The following FTH1 variants were observed in gnomAD, a reference collection of about 807,000 sequenced individuals.
FTH1 encodes the protein ferritin heavy chain 1.
FTH1 carries 3 observed loss-of-function variants against 21.8 expected under a neutral mutation model. The observed-to-expected ratio is 0.14, with a 90% CI of 0.06 to 0.36. FTH1 has a LOEUF of 0.36. FTH1 is among the 10% of genes least tolerant of loss of function. The pLI is 1.00. For missense variants in FTH1, 147 were observed against 225.8 expected, an observed-to-expected ratio of 0.65 and a Z score of 2.24; for synonymous variants, 83 against 90.1, an observed-to-expected ratio of 0.92 and a Z score of 0.45.
chr11:61,964,604 C>T lies in FTH1; in HGVS notation c.*123G>A. On this transcript the variant is annotated 3_prime_UTR_variant, in exon 4 of 4. Coordinates refer to ENST00000273550, the MANE Select transcript of FTH1 (RefSeq NM_002032.3). ...CTTTATTTGAAGGAATGGTACAAATCAAAGAACTTAAGTGGATGTTTTGGT... is the reference window on the plus strand; with the variant it reads ...CTTTATTTGAAGGAATGGTACAAATTAAAGAACTTAAGTGGATGTTTTGGT... 2.7e-6 allele frequency: 3 copies of T among 1,111,400 alleles called. No individual in the cohort carries two copies. Among genetic ancestry groups the T allele is most frequent in the Non-Finnish European group, 4.0e-6 (3 of 755,486 alleles). 68.8% of individuals were successfully genotyped at this position (1,111,400 alleles called of 1,614,324 possible). A position where few individuals can be genotyped will look rare whatever the true frequency, so the allele number is the denominator to read the frequency against.
Position 61,964,330 on chromosome 11 carries a change from C to A in FTH1, c.*397G>T. Reference sequence around the variant, plus strand: ...ATTCATAAAAACTGTGAAAGCTAGACTGAACCATTGGAAACATTTAACTCA... The same window carrying A: ...ATTCATAAAAACTGTGAAAGCTAGAATGAACCATTGGAAACATTTAACTCA... On this transcript the variant is annotated 3_prime_UTR_variant, in exon 4 of 4. Coordinates refer to ENST00000273550, the MANE Select transcript of FTH1 (RefSeq NM_002032.3). 1 of 996,004 alleles carries A rather than the reference C, an allele frequency of 1.0e-6. No homozygotes were observed. The highest frequency in any genetic ancestry group is 1.4e-6 in the Non-Finnish European group (1 of 694,284). The allele number at this position is 996,004 out of a possible 1,614,324, so 61.7% of individuals were successfully genotyped here.
chr11:61,965,339 A>T, intron 2 of FTH1, 30 bp downstream of exon 2: 1 of 1,612,506 alleles, frequency 6.2e-7, no homozygotes, highest in East Asian at 2.2e-5. Flanking sequence ...CAGATGATGA[A>T]GTATGACACC....
chr11:61,966,456 T>C (rs1452706693), intron 1 of FTH1, among the ~76,000 whole-genome samples: 2 of 152,202 alleles, frequency 1.3e-5, no homozygotes, highest in Admixed American at 6.5e-5. Context: ...TGTTTTCAAA[T>C]CCATTTGGAA....
chr11:61,967,558 G>A lies in FTH1; in HGVS notation c.-133C>T, dbSNP rs11554857. On this transcript the variant is annotated 5_prime_UTR_variant, in exon 1 of 4. Coordinates refer to ENST00000273550, the MANE Select transcript of FTH1 (RefSeq NM_002032.3). The stretch of plus-strand genomic sequence containing the variant: ...CTGGCTATGGGCGGCCGGCCGGGGT[G>A]GGGAACGAGCGCCGGGTTCCGTCCA... 1 of 732,196 alleles carries A rather than the reference G, an allele frequency of 1.4e-6. No homozygotes were observed. The allele number at this position is 732,196 out of a possible 1,614,324, so 45.4% of individuals were successfully genotyped here.
chr11:61,964,329 A>G lies in FTH1; in HGVS notation c.*398T>C. The G allele has an allele frequency of 1.0e-6, 1 of 1,002,796 alleles. No homozygotes were observed. Among genetic ancestry groups the G allele is most frequent in the Non-Finnish European group, 1.4e-6 (1 of 700,184 alleles). 62.1% of individuals were successfully genotyped at this position (1,002,796 alleles called of 1,614,324 possible). On this transcript the variant is annotated 3_prime_UTR_variant, in exon 4 of 4. Coordinates refer to ENST00000273550, the MANE Select transcript of FTH1 (RefSeq NM_002032.3). Reference sequence around the variant, plus strand: ...TATTCATAAAAACTGTGAAAGCTAGACTGAACCATTGGAAACATTTAACTC... The same window carrying G: ...TATTCATAAAAACTGTGAAAGCTAGGCTGAACCATTGGAAACATTTAACTC...
At chr11:61,965,134 C>T in intron 2 of FTH1, 22 bp from the exon 3 acceptor site, 1 of 1,602,740 alleles carries the variant, frequency 6.2e-7, no homozygotes, top group Non-Finnish European at 8.5e-7. Flanking sequence ...TAGGTTAATG[C>T]ATCTCTACCA....
At chr11:61,967,024 G>A (rs1239653499) in intron 1 of FTH1, 1 of 246,876 alleles carries the variant, frequency 4.1e-6, no homozygotes, top group South Asian at 1.1e-4. Context: ...CAGGCTGGCA[G>A]TCTTGCAACC....
intron 1 of FTH1, among the ~76,000 whole-genome samples, chr11:61,966,565 C>G (rs1009134562): frequency 3.1e-4 from 47 of 152,202 alleles, no homozygotes; most frequent in African/African-American, 1.1e-3. Context: ...ACTGATTCCA[C>G]TGATCACTGA....
Position 61,964,406 on chromosome 11 carries a change from G to C in FTH1, c.*321C>G. 1.6e-6 allele frequency: 1 copy of C among 636,880 alleles called. No individual in the cohort carries two copies. The highest frequency in any genetic ancestry group is 2.7e-6 in the Non-Finnish European group (1 of 373,256). The allele number at this position is 636,880 out of a possible 1,614,324, so 39.5% of individuals were successfully genotyped here. A position where few individuals can be genotyped will look rare whatever the true frequency, so the allele number is the denominator to read the frequency against. On this transcript the variant is annotated 3_prime_UTR_variant, in exon 4 of 4. Coordinates refer to ENST00000273550, the MANE Select transcript of FTH1 (RefSeq NM_002032.3). ...CTTAGTTCTATCTGAATCCAAGACAGCCACACCTTAGTATACTGCCCAAAC... is the reference window on the plus strand; with the variant it reads ...CTTAGTTCTATCTGAATCCAAGACACCCACACCTTAGTATACTGCCCAAAC...
Position 61,965,352 on chromosome 11 carries a change from T to C in FTH1, c.261+17A>G. On this transcript the variant is annotated intron_variant, in intron 2 of 3. Coordinates refer to ENST00000273550, the MANE Select transcript of FTH1 (RefSeq NM_002032.3). ...GCCAGATGATGAAGTATGACACCCC[T>C]AGGATCTTTTGTTCACCTTGATATC... is the stretch of plus-strand genomic sequence containing the variant. 1.2e-6 allele frequency: 2 copies of C among 1,603,294 alleles called. No individual in the cohort carries two copies. The highest frequency in any genetic ancestry group is 1.7e-6 in the Non-Finnish European group (2 of 1,176,268).
At chr11:61,966,196 C>T (rs965571090) in intron 1 of FTH1, among the ~76,000 whole-genome samples, 2 of 152,146 alleles carry the variant, frequency 1.3e-5, no homozygotes, top group African/African-American at 2.4e-5. Context: ...ATCACTTGAA[C>T]CCAGGAGGCG....
At chr11:61,967,264 G>T in intron 1 of FTH1, 48 bp downstream of exon 1, 2 of 1,307,902 alleles carry the variant, frequency 1.5e-6, no homozygotes, top group Non-Finnish European at 2.1e-6. Context: ...CGCGCGCCCC[G>T]GGAACCGCGC....
chr11:61,967,483 G>A lies in FTH1; in HGVS notation c.-58C>T, dbSNP rs11554879. On this transcript the variant is annotated 5_prime_UTR_variant, in exon 1 of 4. Transcript: ENST00000273550. ...GGTGGCTGCGCGGCGCTGGAGCGGC[G>A]GCGGGGGCCTTGGGGCAGTCCGAGG... is the stretch of plus-strand genomic sequence containing the variant. 3 of 1,218,890 alleles carry A rather than the reference G, an allele frequency of 2.5e-6. No homozygotes were observed. Among genetic ancestry groups the A allele is most frequent in the Non-Finnish European group, 3.5e-6 (3 of 854,166 alleles). The allele number at this position is 1,218,890 out of a possible 1,614,324, so 75.5% of individuals were successfully genotyped here.
chr11:61,964,676 C>T lies in FTH1; in HGVS notation c.*51G>A, dbSNP rs1942396108. On this transcript the variant is annotated 3_prime_UTR_variant, in exon 4 of 4. Transcript: ENST00000273550. ...GGAAACCCCAACATGCATGCACTGCCTTGGTGACCAGGGAAGTCACCCCAC... is the reference window on the plus strand; with the variant it reads ...GGAAACCCCAACATGCATGCACTGCTTTGGTGACCAGGGAAGTCACCCCAC... 1.3e-6 allele frequency: 2 copies of T among 1,584,002 alleles called. No individual in the cohort carries two copies. Among genetic ancestry groups the T allele is most frequent in the East Asian group, 2.2e-5 (1 of 44,830 alleles).
At position 61,965,523 on chromosome 11, in the gene FTH1, G is replaced by C; in HGVS notation, c.115-8C>G. ...GCGGTCAAAGTAGTAAGACTGAAAG[G>C]GGAACACTGAATGTGTTATACTAGG... On this transcript the variant is annotated splice_polypyrimidine_tract_variant and splice_region_variant and intron_variant, in intron 1 of 3. Coordinates refer to ENST00000273550, the MANE Select transcript of FTH1 (RefSeq NM_002032.3). 1.2e-6 allele frequency: 2 copies of C among 1,600,168 alleles called. No homozygotes were observed. The highest frequency in any genetic ancestry group is 1.7e-6 in the Non-Finnish European group (2 of 1,179,902).
intron 2 of FTH1, 94 bp from the exon 3 acceptor site, chr11:61,965,206 T>C: frequency 1.3e-6 from 2 of 1,594,316 alleles, no homozygotes; most frequent in Non-Finnish European, 1.7e-6. Context: ...AAAGGGACAT[T>C]ACTATTTGCC....
chr11:61,967,588 C>T lies in FTH1; in HGVS notation c.-163G>A. 1 of 685,626 alleles carries T rather than the reference C, an allele frequency of 1.5e-6. No homozygotes were observed. The highest frequency in any genetic ancestry group is 2.7e-6 in the Non-Finnish European group (1 of 376,736). 42.5% of individuals were successfully genotyped at this position (685,626 alleles called of 1,614,324 possible). On this transcript the variant is annotated 5_prime_UTR_variant, in exon 1 of 4. The change creates a new upstream start codon in the 5' untranslated region. Coordinates refer to ENST00000273550, the MANE Select transcript of FTH1 (RefSeq NM_002032.3). ...ACGAGCGCCGGGTTCCGTCCAAGCA[C>T]TGTTGAAGCAGGAAACCCCGACGAC...
Position 61,964,594 on chromosome 11 carries a change from T to C in FTH1, c.*133A>G. On this transcript the variant is annotated 3_prime_UTR_variant, in exon 4 of 4. Coordinates refer to ENST00000273550, the MANE Select transcript of FTH1 (RefSeq NM_002032.3). ...TACCAAATTTCTTTATTTGAAGGAA[T>C]GGTACAAATCAAAGAACTTAAGTGG... 7.9e-6 allele frequency: 8 copies of C among 1,009,178 alleles called. No homozygotes were observed. Among genetic ancestry groups the C allele is most frequent in the Admixed American group, 2.0e-5 (1 of 48,804 alleles). The allele number at this position is 1,009,178 out of a possible 1,614,324, so 62.5% of individuals were successfully genotyped here. A position where few individuals can be genotyped will look rare whatever the true frequency, so the allele number is the denominator to read the frequency against.
intron 1 of FTH1, 76 bp downstream of exon 1, chr11:61,967,236 A>T: frequency 1.2e-6 from 1 of 844,794 alleles, no homozygotes; most frequent in Non-Finnish European, 1.7e-6. Context: ...GGGTGGCCAC[A>T]CCCCCGGCCC....
Sources: gnomAD v4.1 joint callset for allele counts (sites outside exome capture counted in the v4.1 genomes callset) on GRCh38, gnomAD v4.1.1 for gene constraint, MANE v1.5 for transcripts, NCBI Gene and HGNC (gene_info 2026-07-23, HGNC 2026-07-21) for gene names.